The following CAMK2D variants were observed in gnomAD, a reference collection of about 807,000 sequenced individuals.
CAMK2D encodes calcium/calmodulin-dependent protein kinase type II subunit delta.
In CAMK2D, 37 loss-of-function variants were observed where a neutral mutation model predicts 84.0. The ratio of observed to expected loss-of-function variants is 0.44; its 90% CI spans 0.34 to 0.58. The LOEUF (loss-of-function observed/expected upper bound fraction) is 0.58, where lower values mean the gene tolerates loss of function less well. CAMK2D is among the 20% of genes least tolerant of loss of function. CAMK2D has a pLI of 0.02. For missense variants in CAMK2D, 448 were observed against 652.5 expected (o/e 0.69, Z 3.41); for synonymous variants, 202 against 212.5 (o/e 0.95, Z 0.43).
Position 113,452,324 on chromosome 4 carries a change from A to C in CAMK2D, c.*2221T>G, listed in dbSNP as rs1203171772. 6.6e-6 allele frequency: 1 copy of C among 152,204 alleles called. No individual in the cohort carries two copies. Among genetic ancestry groups the C allele is most frequent in the Non-Finnish European group, 1.5e-5 (1 of 68,034 alleles). 9.4% of individuals were successfully genotyped at this position (152,204 alleles called of 1,614,324 possible). A position where few individuals can be genotyped will look rare whatever the true frequency, so the allele number is the denominator to read the frequency against. ...TGCAAATTGTTATGTACTAAATGAG[A>C]CCAGAGTAGGACACACTGCCCTTGA... On this transcript the variant is annotated 3_prime_UTR_variant, in exon 21 of 21. Coordinates refer to ENST00000511664, the MANE Select transcript of CAMK2D (RefSeq NM_001321571.2).
chr4:113,497,439 A>G (rs1258894296), intron 16 of CAMK2D, among the ~76,000 whole-genome samples: 1 of 152,228 alleles, frequency 6.6e-6, no homozygotes, highest in Non-Finnish European at 1.5e-5. Context: ...AGCTGAAGGA[A>G]AATGGGCCTT....
At chr4:113,732,133 T>C (rs1304683611) in intron 2 of CAMK2D, among the ~76,000 whole-genome samples, 1 of 151,998 alleles carries the variant, frequency 6.6e-6, no homozygotes, top group Non-Finnish European at 1.5e-5. Context: ...CTTTTTTTTT[T>C]TTCTTTAAGA....
At chr4:113,598,003 G>A (rs918464757) in intron 4 of CAMK2D, among the ~76,000 whole-genome samples, 2 of 152,034 alleles carry the variant, frequency 1.3e-5, no homozygotes, top group Non-Finnish European at 2.9e-5. Flanking sequence ...CAAAATCTCA[G>A]CAAGTTATTT....
At chr4:113,629,234 A>G (rs1026574460) in intron 3 of CAMK2D, among the ~76,000 whole-genome samples, 1 of 152,116 alleles carries the variant, frequency 6.6e-6, no homozygotes, top group African/African-American at 2.4e-5. Flanking sequence ...AATGTAATTA[A>G]ATCATCTGAA....
rs56966168 is a variant in CAMK2D, at chr4:113,599,987, C to T, written c.275+9165G>A. 2.0e-5 allele frequency among the ~76,000 whole-genome samples: 3 copies of T among 152,188 alleles called. No individual in the cohort carries two copies. The South Asian group carries it at 6.2e-4, about 32-fold the overall frequency. ...TATAAGTGGACCTGTGCAGTTCAAA[C>T]CCATGTTGTCCCAGGGCTGACTTTA... On this transcript the variant is annotated intron_variant, in intron 4 of 20. Transcript: ENST00000511664.
At chr4:113,706,976 T>C (rs976006524) in intron 2 of CAMK2D, among the ~76,000 whole-genome samples, 46 of 152,100 alleles carry the variant, frequency 3.0e-4, no homozygotes, top group African/African-American at 1.1e-3. Context: ...TTTCCTGTCA[T>C]TTTGCAAAAT....
chr4:113,610,436 C>G (rs975980903), intron 3 of CAMK2D, among the ~76,000 whole-genome samples: 1 of 152,192 alleles, frequency 6.6e-6, no homozygotes, highest in Admixed American at 6.5e-5. Context: ...TTTATAAGAA[C>G]ATTCAGGTTA....
At chr4:113,569,232 A>G (rs1464457554) in intron 4 of CAMK2D, among the ~76,000 whole-genome samples, 2 of 152,008 alleles carry the variant, frequency 1.3e-5, no homozygotes, top group East Asian at 3.8e-4. Context: ...AAGGTTTTTA[A>G]TTTTGATGAG....
chr4:113,568,814 G>A (rs973847674), intron 4 of CAMK2D, among the ~76,000 whole-genome samples: 6 of 151,782 alleles, frequency 4.0e-5, no homozygotes, highest in Admixed American at 1.3e-4. Flanking sequence ...ACTATTTCAC[G>A]GTGGTTTGAT....
intron 3 of CAMK2D, among the ~76,000 whole-genome samples, chr4:113,625,734 T>C (rs1190798694): frequency 6.6e-6 from 1 of 152,118 alleles, no homozygotes; most frequent in African/African-American, 2.4e-5. Flanking sequence ...GCTTTGGCCC[T>C]TCCTCTGAGC....
At position 113,493,742 on chromosome 4, in the gene CAMK2D, C is replaced by T. The variant is rs2097881519; in HGVS notation, c.1135+6721G>A. Among the ~76,000 whole-genome samples the T allele has an allele frequency of 2.0e-5, 3 of 151,888 alleles. No homozygotes were observed. The South Asian group carries it at 6.2e-4, about 32-fold the overall frequency. ...GGATAATATCCTGCAGAGTGTTTTC[C>T]AACTTGGTTCCATTCTCCCCATCAC... is the stretch of plus-strand genomic sequence containing the variant. On this transcript the variant is annotated intron_variant, in intron 16 of 20. Coordinates refer to ENST00000511664, the MANE Select transcript of CAMK2D (RefSeq NM_001321571.2).
chr4:113,736,524 A>T (rs975047246), intron 2 of CAMK2D, among the ~76,000 whole-genome samples: 2 of 152,214 alleles, frequency 1.3e-5, no homozygotes, highest in Admixed American at 6.5e-5. Flanking sequence ...GAAGAAGCGG[A>T]TAATGCAATG....
At chr4:113,716,543 C>T (rs532752801) in intron 2 of CAMK2D, among the ~76,000 whole-genome samples, 24 of 148,390 alleles carry the variant, frequency 1.6e-4, no homozygotes, top group African/African-American at 5.2e-4. Flanking sequence ...CCCAGTTACT[C>T]TGGAGGCTGA....
chr4:113,629,314 T>G (rs963257196), intron 3 of CAMK2D, among the ~76,000 whole-genome samples: 1 of 152,234 alleles, frequency 6.6e-6, no homozygotes, highest in Admixed American at 6.5e-5. Flanking sequence ...ATTTTTGCCA[T>G]AGTCAATTTT....
chr4:113,663,552 G>C (rs528133214), intron 2 of CAMK2D, among the ~76,000 whole-genome samples: 1 of 151,524 alleles, frequency 6.6e-6, no homozygotes, highest in South Asian at 2.1e-4. Context: ...ACGTGCCGCT[G>C]CACTCCAGCC....
chr4:113,641,968 C>T lies in CAMK2D; in HGVS notation c.220+19745G>A, dbSNP rs562290060. Among the ~76,000 whole-genome samples, 34 of 152,062 alleles carry T rather than the reference C, an allele frequency of 2.2e-4. No individual in the cohort carries two copies. The South Asian group carries it at 7.1e-3, about 32-fold the overall frequency. On this transcript the variant is annotated intron_variant, in intron 3 of 20. Coordinates refer to ENST00000511664, the MANE Select transcript of CAMK2D (RefSeq NM_001321571.2). ...GAGGTTGCGGTGAGTCAAGATCATG[C>T]CACTGCACTCCAGCCTGGGCAACAA... is the stretch of plus-strand genomic sequence containing the variant.
At chr4:113,629,923 ACT>A (rs2099082926) in intron 3 of CAMK2D, among the ~76,000 whole-genome samples, 1 of 151,774 alleles carries the variant, frequency 6.6e-6, no homozygotes, top group Non-Finnish European at 1.5e-5. Context: ...AAAAAAAAAA[ACT>A]CTCTTCAGTG....
chr4:113,671,469 A>G (rs2099283523), intron 2 of CAMK2D, among the ~76,000 whole-genome samples: 1 of 152,230 alleles, frequency 6.6e-6, no homozygotes, highest in Non-Finnish European at 1.5e-5. Context: ...GTTGCAAAAC[A>G]TGATATCTTA....
At chr4:113,661,150 A>G (rs2099229968) in intron 3 of CAMK2D, among the ~76,000 whole-genome samples, 1 of 152,146 alleles carries the variant, frequency 6.6e-6, no homozygotes, top group South Asian at 2.1e-4. Flanking sequence ...GAGACCTTAT[A>G]TTATTTTTTG....
Sources: gnomAD v4.1 joint callset for allele counts (sites outside exome capture counted in the v4.1 genomes callset) on GRCh38, gnomAD v4.1.1 for gene constraint, MANE v1.5 for transcripts, NCBI Gene and HGNC (gene_info 2026-07-23, HGNC 2026-07-21) for gene names.